Variants in TENM2 observed in about 807,000 individuals in gnomAD.
TENM2 encodes the protein teneurin transmembrane protein 2.
TENM2 carries 52 observed loss-of-function variants against 245.2 expected under a neutral mutation model. The observed-to-expected ratio is 0.21, with a 90% CI of 0.17 to 0.27. The LOEUF (loss-of-function observed/expected upper bound fraction) is 0.27, where lower values mean the gene tolerates loss of function less well. Among genes scored for constraint, TENM2 ranks in the 10% least tolerant of loss-of-function variants. TENM2 has a pLI of 1.00. For synonymous variants in TENM2, 1,363 were observed against 1,438.9 expected (o/e 0.95, Z 1.19); for missense variants, 3,046 against 3,666.8 (o/e 0.83, Z 4.37).
chr5:167,452,950 T>TTTGAA lies in TENM2; in HGVS notation c.502+77477_502+77478insTTGAA, dbSNP rs70976428. 1.6e-3 allele frequency among the ~76,000 whole-genome samples: 158 copies of TTTGAA among 99,650 alleles called. 10 individuals carry two copies. Among genetic ancestry groups the TTTGAA allele is most frequent in the African/African-American group, 5.3e-3 (156 of 29,480 alleles). The allele number at this position is 99,650 out of a possible 152,430, so 65.4% of individuals were successfully genotyped here. On this transcript the variant is annotated intron_variant, in intron 2 of 28. Coordinates refer to ENST00000518659, the Ensembl canonical transcript of TENM2. ...TATGATTTATATATATATATATATA[T>TTTGAA]ATATATATATATTTAAAAAAAAAAA... is the stretch of plus-strand genomic sequence containing the variant.
At chr5:167,550,333 C>G (rs1288037333) in intron 2 of TENM2, among the ~76,000 whole-genome samples, 1 of 152,174 alleles carries the variant, frequency 6.6e-6, no homozygotes, top group Non-Finnish European at 1.5e-5. Context: ...GCTGGATTCC[C>G]TGAGCGCTGA....
At chr5:167,969,423 G>A (rs944382235) in intron 4 of TENM2, among the ~76,000 whole-genome samples, 1 of 152,168 alleles carries the variant, frequency 6.6e-6, no homozygotes, top group Non-Finnish European at 1.5e-5. Context: ...GGCCTCCTCA[G>A]CCATGTGGAA....
chr5:167,002,708 G>C, the TENM2 span, among the ~76,000 whole-genome samples: 1 of 151,718 alleles, frequency 6.6e-6, no homozygotes, highest in Non-Finnish European at 1.5e-5. Context: ...AGGAGTTCAA[G>C]TCTGCAATGA....
At chr5:168,064,561 C>A (rs1790330705) in intron 7 of TENM2, among the ~76,000 whole-genome samples, 1 of 152,214 alleles carries the variant, frequency 6.6e-6, no homozygotes. Context: ...TTCTGACATT[C>A]AGGACTCAAA....
At chr5:167,858,234 A>G (rs1771272278) in intron 2 of TENM2, among the ~76,000 whole-genome samples, 1 of 152,266 alleles carries the variant, frequency 6.6e-6, no homozygotes. Flanking sequence ...AAGAGCCACA[A>G]CAGCCTTTGT....
chr5:167,259,383 T>C, the TENM2 span, among the ~76,000 whole-genome samples: 1 of 152,184 alleles, frequency 6.6e-6, no homozygotes, highest in African/African-American at 2.4e-5. Flanking sequence ...GCTGGAAATA[T>C]ATATTTCATG....
At chr5:168,132,933 TCTTTCTTATCA>T (rs763814856) in intron 12 of TENM2, among the ~76,000 whole-genome samples, 6 of 152,224 alleles carry the variant, frequency 3.9e-5, no homozygotes, top group Non-Finnish European at 8.8e-5. Context: ...GTGATGGACA[TCTTTCTTATCA>T]CTTGGTAGCC....
the TENM2 span, among the ~76,000 whole-genome samples, chr5:167,155,841 C>T: frequency 4.3e-4 from 65 of 152,348 alleles, 1 homozygote; most frequent in African/African-American, 1.4e-3. Flanking sequence ...TGTGCGGTCA[C>T]GCAGCGTGTG....
chr5:167,360,431 G>A (rs1759638765), intron 1 of TENM2, among the ~76,000 whole-genome samples: 1 of 152,114 alleles, frequency 6.6e-6, no homozygotes, highest in South Asian at 2.1e-4. Context: ...AGTGAATAAG[G>A]CTCTTTGCCT....
At chr5:167,996,052 G>A (rs1457895719) in intron 5 of TENM2, among the ~76,000 whole-genome samples, 1 of 152,156 alleles carries the variant, frequency 6.6e-6, no homozygotes, top group Admixed American at 6.5e-5. Flanking sequence ...CAGGCAGTGG[G>A]TTCAGGCCTG....
At chr5:167,864,266 C>T (rs1329840149) in intron 2 of TENM2, among the ~76,000 whole-genome samples, 1 of 152,074 alleles carries the variant, frequency 6.6e-6, no homozygotes, top group Non-Finnish European at 1.5e-5. Context: ...GGAAAGCTTC[C>T]AATAATGAGA....
At chr5:167,552,488 G>A (rs1773012401) in intron 2 of TENM2, among the ~76,000 whole-genome samples, 1 of 152,110 alleles carries the variant, frequency 6.6e-6, no homozygotes, top group South Asian at 2.1e-4. Flanking sequence ...ATGCCACTGA[G>A]ATTACTAAGA....
intron 5 of TENM2, among the ~76,000 whole-genome samples, chr5:168,016,277 G>A (rs182811552): frequency 6.9e-4 from 105 of 152,286 alleles, no homozygotes; most frequent in Non-Finnish European, 1.3e-3. Context: ...TGAAACACCC[G>A]TGCACTGAAC....
intron 2 of TENM2, among the ~76,000 whole-genome samples, chr5:167,736,780 C>T (rs1369800295): frequency 1.3e-5 from 2 of 151,956 alleles, no homozygotes; most frequent in Admixed American, 1.3e-4. Context: ...GAGGGAGCCC[C>T]GGTGGGAACT....
At chr5:167,992,543 C>A (rs775976038) in intron 4 of TENM2, among the ~76,000 whole-genome samples, 1 of 152,076 alleles carries the variant, frequency 6.6e-6, no homozygotes, top group Non-Finnish European at 1.5e-5. Context: ...GCCAGTGACA[C>A]GAGTATACCT....
intron 3 of TENM2, among the ~76,000 whole-genome samples, chr5:167,877,360 C>A (rs560271685): frequency 6.6e-6 from 1 of 152,240 alleles, no homozygotes; most frequent in South Asian, 2.1e-4. Context: ...TTCTTCATAG[C>A]CAGGCCTGAT....
At chr5:167,418,242 T>C (rs1763280097) in intron 2 of TENM2, among the ~76,000 whole-genome samples, 1 of 151,812 alleles carries the variant, frequency 6.6e-6, no homozygotes. Context: ...GGCGGGAGAA[T>C]TGCTTGAACC....
chr5:168,042,460 G>C (rs1788273808), intron 5 of TENM2, among the ~76,000 whole-genome samples: 1 of 152,088 alleles, frequency 6.6e-6, no homozygotes, highest in Admixed American at 6.6e-5. Flanking sequence ...TCCTCTGCCA[G>C]CCAATGAACA....
chr5:168,246,175 G>C (rs1766547755), intron 26 of TENM2, among the ~76,000 whole-genome samples: 2 of 150,494 alleles, frequency 1.3e-5, no homozygotes, highest in Non-Finnish European at 2.9e-5. Flanking sequence ...AGAGTAGGTT[G>C]CAGTGAGCTG....
Sources: allele counts gnomAD v4.1 joint callset (sites outside exome capture counted in the v4.1 genomes callset), GRCh38; gene constraint gnomAD v4.1.1; transcripts MANE v1.5; gene names NCBI Gene and HGNC (gene_info 2026-07-23, HGNC 2026-07-21).